SNX1: variants seen among roughly 807,000 people sequenced by gnomAD.
The protein encoded by SNX1 is sorting nexin-1.
In SNX1, 36 loss-of-function variants were observed where a neutral mutation model predicts 71.8. The ratio of observed to expected loss-of-function variants is 0.50; its 90% confidence interval spans 0.38 to 0.66. SNX1 has a LOEUF of 0.66. Among genes scored for constraint, SNX1 ranks in the 30% least tolerant of loss-of-function variants. SNX1 has a pLI of 0.00. For synonymous variants in SNX1, 254 were observed against 240.7 expected, an observed-to-expected ratio of 1.06 and a Z score of -0.51; for missense variants, 612 against 646.7, an observed-to-expected ratio of 0.95 and a Z score of 0.58.
chr15:64,119,709 G>A (rs2081172429), intron 4 of SNX1, among the ~76,000 whole-genome samples: 2 of 143,958 alleles, frequency 1.4e-5, no homozygotes, highest in African/African-American at 5.0e-5. Context: ...GGGTGACAGA[G>A]CAAGACTGTG....
At chr15:64,124,290 A>G (rs1039627268) in intron 5 of SNX1, among the ~76,000 whole-genome samples, 2 of 151,152 alleles carry the variant, frequency 1.3e-5, no homozygotes, top group Admixed American at 1.3e-4. Flanking sequence ...GCAGATCACA[A>G]GGTCAGGAGA....
At chr15:64,137,514 T>C in intron 14 of SNX1, 54 bp from the exon 15 acceptor site, 1 of 1,609,008 alleles carries the variant, frequency 6.2e-7, no homozygotes, top group Non-Finnish European at 8.5e-7. Flanking sequence ...CCAGGCTGGC[T>C]TAGGCTCTGC....
intron 5 of SNX1, among the ~76,000 whole-genome samples, chr15:64,124,271 C>A (rs1299935557): frequency 6.7e-6 from 1 of 150,148 alleles, no homozygotes; most frequent in African/African-American, 2.5e-5. Context: ...CTTTGGGAGG[C>A]TGAGACGGGC....
At chr15:64,131,647 T>G in intron 10 of SNX1, 40 bp from the exon 11 acceptor site, 13 of 1,593,212 alleles carry the variant, frequency 8.2e-6, no homozygotes, top group Non-Finnish European at 1.1e-5. Context: ...CTTTTCCTTG[T>G]GAGATCAGAG....
rs1362579634 is a variant in SNX1, at chr15:64,126,176, A to C, written c.608A>C (p.Gln203Pro). ...LYEKLSEKHS[Q>P]NGFIVPPPPE... ...GAGAAGCTTTCCGAGAAGCACTCTC[A>C]GAATGGCTTCATTGTCCCTCCGCCC... is the stretch of plus-strand genomic sequence containing the variant. The change falls in exon 6 of 15, where the codon CAG becomes CCG. Residue 203 changes from glutamine (Q) to proline (P), a missense_variant. By Grantham distance (76) the Gln-to-Pro change is moderately conservative (BLOSUM62 -1). This residue lies in a region of SNX1 where 316 missense variants were observed against 284.9 expected (regional missense o/e 1.11). Coordinates refer to ENST00000559844, the MANE Select transcript of SNX1 (RefSeq NM_003099.5). The C allele has an allele frequency of 1.2e-6, 2 of 1,614,170 alleles. No individual in the cohort carries two copies. Among genetic ancestry groups the C allele is most frequent in the Non-Finnish European group, 1.7e-6 (2 of 1,179,988 alleles).
Position 64,137,861 on chromosome 15 carries a change from T to C in SNX1, c.*243T>C. ...AAAAGACCTACAATAGGTGGTGGAA[T>C]TATGGGATGGGGTGGAGTATTGATA... On this transcript the variant is annotated 3_prime_UTR_variant, in exon 15 of 15. Transcript: ENST00000559844. 2 of 1,404,736 alleles carry C rather than the reference T, an allele frequency of 1.4e-6. No individual in the cohort carries two copies. The highest frequency in any genetic ancestry group is 1.8e-6 in the Non-Finnish European group (2 of 1,082,950). The allele number at this position is 1,404,736 out of a possible 1,614,324, so 87.0% of individuals were successfully genotyped here.
intron 1 of SNX1, among the ~76,000 whole-genome samples, chr15:64,110,961 A>G (rs1255188422): frequency 2.0e-5 from 3 of 152,164 alleles, no homozygotes; most frequent in Admixed American, 1.3e-4. Flanking sequence ...ATTCTAACCT[A>G]TGCCTTTTCT....
At chr15:64,103,549 A>G (rs975632681) in intron 1 of SNX1, among the ~76,000 whole-genome samples, 27 of 152,218 alleles carry the variant, frequency 1.8e-4, no homozygotes, top group South Asian at 2.1e-4. Flanking sequence ...TGTTTATACT[A>G]TTGGAATGAT....
At chr15:64,130,156 CA>C in intron 9 of SNX1, 71 bp from the exon 10 acceptor site, 1 of 1,497,724 alleles carries the variant, frequency 6.7e-7, no homozygotes, top group South Asian at 1.1e-5. Context: ...TTTTGAGAAA[CA>C]ACTGCTAAAG....
Position 64,130,008 on chromosome 15 carries a change from C to G in SNX1, c.900C>G (p.Ile300Met). 1 of 1,613,582 alleles carries G rather than the reference C, an allele frequency of 6.2e-7. No homozygotes were observed. Reference protein sequence around the residue: ...KATDAVSKMTIKMNESDIWFE... With the variant: ...KATDAVSKMTMKMNESDIWFE... Reference sequence around the variant, plus strand: ...CAGATGCCGTCAGCAAAATGACCATCAAGATGAATGAATCAGACATTGTGA... The same window carrying G: ...CAGATGCCGTCAGCAAAATGACCATGAAGATGAATGAATCAGACATTGTGA... Residue 300 changes from isoleucine (I) to methionine (M), a missense_variant, in exon 9 of 15, where the codon ATC (isoleucine) becomes ATG (methionine). Coordinates refer to ENST00000559844, the MANE Select transcript of SNX1 (RefSeq NM_003099.5).
chr15:64,136,760 C>A, intron 13 of SNX1, 101 bp from the exon 14 acceptor site: 2 of 846,248 alleles, frequency 2.4e-6, no homozygotes, highest in Non-Finnish European at 3.9e-6. Flanking sequence ...GCTGCCTCTA[C>A]TTTCTGAGAC....
intron 1 of SNX1, among the ~76,000 whole-genome samples, chr15:64,108,700 CAA>C (rs891879532): frequency 4.6e-5 from 7 of 152,020 alleles, no homozygotes; most frequent in Non-Finnish European, 1.0e-4. Flanking sequence ...AATAAAATAT[CAA>C]AAGAGTTGGG....
rs1567331657 is a variant in SNX1 at position 64,131,893 on chromosome 15, G to C, written c.1221+1G>C. 6.2e-7 allele frequency: 1 copy of C among 1,613,496 alleles called. No individual in the cohort carries two copies. Among genetic ancestry groups the C allele is most frequent in the Non-Finnish European group, 8.5e-7 (1 of 1,179,442 alleles). The stretch of plus-strand genomic sequence containing the variant: ...CATTCGCCTCCTGGCCATAGTCCGC[G>C]TAAGCTTCTGTTTCCTTTTCTCCTC... On this transcript the variant is annotated splice_donor_variant, in intron 11 of 14. Transcript: ENST00000559844. LOFTEE classifies it high-confidence loss of function.
chr15:64,109,671 C>T (rs977516627), intron 1 of SNX1, among the ~76,000 whole-genome samples: 1 of 152,006 alleles, frequency 6.6e-6, no homozygotes, highest in Admixed American at 6.5e-5. Flanking sequence ...ACACACCCGG[C>T]TAATTTTTGT....
intron 5 of SNX1, among the ~76,000 whole-genome samples, chr15:64,123,901 A>C (rs1015857297): frequency 6.6e-6 from 1 of 152,080 alleles, no homozygotes; most frequent in Admixed American, 6.5e-5. Flanking sequence ...GAGCTTTTTT[A>C]AATACTTAAC....
At chr15:64,117,415 G>C (rs2081141246) in intron 2 of SNX1, among the ~76,000 whole-genome samples, 1 of 151,894 alleles carries the variant, frequency 6.6e-6, no homozygotes, top group African/African-American at 2.4e-5. Flanking sequence ...CACCACACCT[G>C]GCTACTGTTT....
chr15:64,097,805 G>A (rs777069602), intron 1 of SNX1, among the ~76,000 whole-genome samples: 4 of 152,148 alleles, frequency 2.6e-5, no homozygotes, highest in Non-Finnish European at 5.9e-5. Context: ...TACTCAGTGT[G>A]TAACCAACTA....
At position 64,134,835 on chromosome 15, in the gene SNX1, G is replaced by A. The variant is rs2081341360; in HGVS notation, c.1365+28G>A. On this transcript the variant is annotated intron_variant, in intron 12 of 14. Transcript: ENST00000559844. This position sits in a 1 kb window ranked among gnomAD's most constrained non-coding sequence, Gnocchi z 4.1. ...GAGTCCACTGAGGCAGCCCAGCCAG[G>A]GGTGTTCTGCTGGTTCCAAATGAAC... The A allele has an allele frequency of 6.2e-7, 1 of 1,612,344 alleles. No individual in the cohort carries two copies. The highest frequency in any genetic ancestry group is 1.7e-5 in the Admixed American group (1 of 59,868).
chr15:64,134,502 T>C lies in SNX1; in HGVS notation c.1222-162T>C. The C allele has an allele frequency of 1.3e-6, 1 of 751,140 alleles. No homozygotes were observed. Among genetic ancestry groups the C allele is most frequent in the Non-Finnish European group, 2.1e-6 (1 of 475,948 alleles). 46.5% of individuals were successfully genotyped at this position (751,140 alleles called of 1,614,324 possible). A position where few individuals can be genotyped will look rare whatever the true frequency, so the allele number is the denominator to read the frequency against. The stretch of plus-strand genomic sequence containing the variant: ...GAGAGGAGTCTTACCCAAGCTTTGC[T>C]CCTAGACATTAAACTTCCCAGCTGG... On this transcript the variant is annotated intron_variant, in intron 11 of 14. Coordinates refer to ENST00000559844, the MANE Select transcript of SNX1 (RefSeq NM_003099.5). The surrounding 1 kb of genome is among the most constrained non-coding windows in gnomAD (Gnocchi z 4.1).
Sources: gnomAD v4.1 joint callset for allele counts (sites outside exome capture counted in the v4.1 genomes callset) on GRCh38, gnomAD v4.1.1 for gene constraint, gnomAD v4.1.1 regional missense constraint, Gnocchi (gnomAD v3.1) non-coding constraint, MANE v1.5 for transcripts, NCBI Gene and HGNC (gene_info 2026-07-23, HGNC 2026-07-21) for gene names.